The following HS3ST3B1 variants were observed in gnomAD, a reference collection of about 807,000 sequenced individuals.
HS3ST3B1 encodes heparan sulfate glucosamine 3-O-sulfotransferase 3B1.
Under a neutral mutation model 21.3 loss-of-function variants are expected in HS3ST3B1, and 13 were observed. The observed-to-expected ratio is 0.61, with a 90% CI of 0.40 to 0.97. The LOEUF is 0.97. Ranked by LOEUF, HS3ST3B1 falls within the 50% of genes least tolerant of loss-of-function variation. The pLI, the probability that HS3ST3B1 is intolerant of heterozygous loss-of-function variation, is 0.00. For synonymous variants in HS3ST3B1, 234 were observed against 254.8 expected, an observed-to-expected ratio of 0.92 and a Z score of 0.78; for missense variants, 459 against 554.8, an observed-to-expected ratio of 0.83 and a Z score of 1.73.
At position 14,301,765 on chromosome 17, in the gene HS3ST3B1, G is replaced by A. The variant is rs62636623; in HGVS notation, c.247G>A (p.Gly83Arg). The A allele has an allele frequency of 6.3e-7, 1 of 1,577,040 alleles. No individual in the cohort carries two copies. The highest frequency in any genetic ancestry group is 2.3e-5 in the East Asian group (1 of 43,518). ...GCCAGCCCTGGCCACAGCTCCGGACGGGACGCCCCCCAGGCTGCCGTTCCG... is the reference window on the plus strand; with the variant it reads ...GCCAGCCCTGGCCACAGCTCCGGACAGGACGCCCCCCAGGCTGCCGTTCCG... ...DPPALATAPD[G>R]TPPRLPFRAP... The change falls in exon 1 of 2, where the codon GGG becomes AGG. Residue 83 changes from glycine to arginine, a missense_variant. By Grantham distance (125) the Gly-to-Arg change is moderately radical. Around this residue, in one of 3 missense-constraint regions of HS3ST3B1, gnomAD observed 317 missense variants for 278.6 expected, o/e 1.14. Coordinates refer to ENST00000360954, the MANE Select transcript of HS3ST3B1 (RefSeq NM_006041.3).
intron 1 of HS3ST3B1, among the ~76,000 whole-genome samples, chr17:14,311,193 C>T (rs1468832118): frequency 6.7e-6 from 1 of 150,202 alleles, no homozygotes; most frequent in Non-Finnish European, 1.5e-5. Flanking sequence ...CTCAGTCTCC[C>T]GTGTAGCAGG....
intron 1 of HS3ST3B1, chr17:14,329,353 GAAAGAAAGAAAGAA>G (rs1909916380): frequency 7.9e-5 from 8 of 100,734 alleles, no homozygotes; most frequent in East Asian, 2.9e-4. Flanking sequence ...AAGAAAGAAA[GAAAGAAAGAAAGAA>G]AAGGAAGGAA....
At position 14,301,350 on chromosome 17, in the gene HS3ST3B1, C is replaced by A. The variant is rs1360614453; in HGVS notation, c.-169C>A. On this transcript the variant is annotated 5_prime_UTR_variant, in exon 1 of 2. Transcript: ENST00000360954. Reference sequence around the variant, plus strand: ...GAGCCGCCGCCGCTACAGCTGCCGCCGCCACCTGGGGAAGAGCAGCAGCAG... The same window carrying A: ...GAGCCGCCGCCGCTACAGCTGCCGCAGCCACCTGGGGAAGAGCAGCAGCAG... 8 of 541,548 alleles carry A rather than the reference C, an allele frequency of 1.5e-5. No homozygotes were observed. Among genetic ancestry groups the A allele is most frequent in the South Asian group, 3.8e-5 (1 of 26,474 alleles). 33.5% of individuals were successfully genotyped at this position (541,548 alleles called of 1,614,324 possible). A position where few individuals can be genotyped will look rare whatever the true frequency, so the allele number is the denominator to read the frequency against.
At chr17:14,309,529 C>G (rs924294752) in intron 1 of HS3ST3B1, among the ~76,000 whole-genome samples, 7 of 152,128 alleles carry the variant, frequency 4.6e-5, no homozygotes, top group Non-Finnish European at 1.0e-4. Context: ...GAGGAGAACC[C>G]CGCCCAGAGA....
chr17:14,309,034 T>C (rs1909217124), intron 1 of HS3ST3B1, among the ~76,000 whole-genome samples: 1 of 152,194 alleles, frequency 6.6e-6, no homozygotes, highest in South Asian at 2.1e-4. Context: ...GCCGCCCCCC[T>C]TTTTCAGGTC....
intron 1 of HS3ST3B1, among the ~76,000 whole-genome samples, chr17:14,330,555 G>A (rs1302951251): frequency 1.5e-5 from 2 of 137,336 alleles, no homozygotes; most frequent in East Asian, 4.1e-4. Flanking sequence ...TTCCCGGTGT[G>A]TGTGTGTGTG....
chr17:14,306,232 AC>A, intron 1 of HS3ST3B1, among the ~76,000 whole-genome samples: 1 of 152,178 alleles, frequency 6.6e-6, no homozygotes, highest in Admixed American at 6.5e-5. Context: ...GAGGATAATC[AC>A]ACCACCGTGT....
In HS3ST3B1 at chr17:14,345,349, G is replaced by T; in HGVS notation, c.876G>T (p.Met292Ile). Residue 292 changes from methionine to isoleucine, a missense_variant, in exon 2 of 2, where the codon ATG becomes ATT. This residue lies in a region of HS3ST3B1 where 127 missense variants were observed against 209.9 expected (regional missense o/e 0.60). Coordinates refer to ENST00000360954, the MANE Select transcript of HS3ST3B1 (RefSeq NM_006041.3). ...HWLRHFPIRQMLFVSGERLIS... is the reference protein window; with the variant it reads ...HWLRHFPIRQILFVSGERLIS... ...TGCGCCACTTCCCCATCCGCCAGAT[G>T]CTCTTCGTGAGCGGCGAGCGGCTCA... 3 of 1,094,178 alleles carry T rather than the reference G, an allele frequency of 2.7e-6. No homozygotes were observed. Among genetic ancestry groups the T allele is most frequent in the Non-Finnish European group, 1.3e-6 (1 of 757,052 alleles). The allele number at this position is 1,094,178 out of a possible 1,614,324, so 67.8% of individuals were successfully genotyped here.
Position 14,345,903 on chromosome 17 carries a change from A to G in HS3ST3B1, c.*257A>G, listed in dbSNP as rs1484543498. On this transcript the variant is annotated 3_prime_UTR_variant, in exon 2 of 2. Coordinates refer to ENST00000360954, the MANE Select transcript of HS3ST3B1 (RefSeq NM_006041.3). ...TTTTTTCTTCTCCCCTACCTGTTATATTTAAAACAAAGAAAAGCACAACTT... is the reference window on the plus strand; with the variant it reads ...TTTTTTCTTCTCCCCTACCTGTTATGTTTAAAACAAAGAAAAGCACAACTT... 1 of 434,960 alleles carries G rather than the reference A, an allele frequency of 2.3e-6. No individual in the cohort carries two copies. Among genetic ancestry groups the G allele is most frequent in the Non-Finnish European group, 3.9e-6 (1 of 254,292 alleles). The allele number at this position is 434,960 out of a possible 1,614,324, so 26.9% of individuals were successfully genotyped here.
At chr17:14,335,155 C>G (rs888935881) in intron 1 of HS3ST3B1, among the ~76,000 whole-genome samples, 2 of 152,128 alleles carry the variant, frequency 1.3e-5, no homozygotes, top group Non-Finnish European at 2.9e-5. Flanking sequence ...CACTGCTGAA[C>G]TAATTTTATA....
chr17:14,339,439 T>C (rs1277180031), intron 1 of HS3ST3B1, among the ~76,000 whole-genome samples: 1 of 152,152 alleles, frequency 6.6e-6, no homozygotes, highest in African/African-American at 2.4e-5. Flanking sequence ...CTCTACATGT[T>C]CTAAATCATA....
Position 14,301,474 on chromosome 17 carries a change from C to G in HS3ST3B1, c.-45C>G. 3.5e-6 allele frequency: 5 copies of G among 1,408,984 alleles called. No individual in the cohort carries two copies. Among genetic ancestry groups the G allele is most frequent in the Non-Finnish European group, 4.6e-6 (5 of 1,085,072 alleles). The allele number at this position is 1,408,984 out of a possible 1,614,324, so 87.3% of individuals were successfully genotyped here. On this transcript the variant is annotated 5_prime_UTR_variant, in exon 1 of 2. Coordinates refer to ENST00000360954, the MANE Select transcript of HS3ST3B1 (RefSeq NM_006041.3). Reference sequence around the variant, plus strand: ...TGCGCTCACTGCCCGGCGGGACCCACGCCATGTGCTGAGCCATGTCCCTGG... The same window carrying G: ...TGCGCTCACTGCCCGGCGGGACCCAGGCCATGTGCTGAGCCATGTCCCTGG...
intron 1 of HS3ST3B1, among the ~76,000 whole-genome samples, chr17:14,322,184 A>G (rs1319746248): frequency 2.0e-5 from 3 of 151,934 alleles, no homozygotes; most frequent in Non-Finnish European, 4.4e-5. Context: ...GAGCATTTTG[A>G]TCTAGGAGGT....
intron 1 of HS3ST3B1, among the ~76,000 whole-genome samples, chr17:14,333,293 C>T (rs796979203): frequency 8.6e-5 from 13 of 152,014 alleles, no homozygotes; most frequent in African/African-American, 2.9e-4. Context: ...TGGTGAAACC[C>T]CGTCTCCACT....
chr17:14,301,239 G>T lies in HS3ST3B1; in HGVS notation c.-280G>T. On this transcript the variant is annotated 5_prime_UTR_variant, in exon 1 of 2. Transcript: ENST00000360954. ...TCCTCCTGGCCCCGAGCGCGTCGTC[G>T]CGCCCCGGGAGCAGACCCTCGCCCA... 1 of 462,050 alleles carries T rather than the reference G, an allele frequency of 2.2e-6. No individual in the cohort carries two copies. The highest frequency in any genetic ancestry group is 2.1e-5 in the African/African-American group (1 of 48,444). 28.6% of individuals were successfully genotyped at this position (462,050 alleles called of 1,614,324 possible). A position where few individuals can be genotyped will look rare whatever the true frequency, so the allele number is the denominator to read the frequency against.
intron 1 of HS3ST3B1, among the ~76,000 whole-genome samples, chr17:14,323,577 C>CTTT (rs111916469): frequency 6.8e-5 from 10 of 147,952 alleles, no homozygotes; most frequent in African/African-American, 2.5e-4. Context: ...GTTTTATGTG[C>CTTT]TTTTTTTTTT....
At chr17:14,334,725 T>A (rs1910138420) in intron 1 of HS3ST3B1, among the ~76,000 whole-genome samples, 1 of 152,152 alleles carries the variant, frequency 6.6e-6, no homozygotes, top group Non-Finnish European at 1.5e-5. Context: ...CTACATGATA[T>A]TTTCCTACAG....
intron 1 of HS3ST3B1, among the ~76,000 whole-genome samples, chr17:14,308,113 G>A (rs1400910652): frequency 6.6e-6 from 1 of 152,124 alleles, no homozygotes. Flanking sequence ...TGGAACTCTC[G>A]GGTTTCTCTC....
rs1909021708 is a variant in HS3ST3B1, at chr17:14,303,660, G to C, written c.554+1588G>C. Among the ~76,000 whole-genome samples, 1 of 152,146 alleles carries C rather than the reference G, an allele frequency of 6.6e-6. No individual in the cohort carries two copies. Among genetic ancestry groups the C allele is most frequent in the Non-Finnish European group, 1.5e-5 (1 of 68,032 alleles). ...CAGGGATGGGAAGAGTGAATGCGCT[G>C]GTACGGTAAGGTGCCTCGCAGGCAC... is the stretch of plus-strand genomic sequence containing the variant. On this transcript the variant is annotated intron_variant, in intron 1 of 1. Coordinates refer to ENST00000360954, the MANE Select transcript of HS3ST3B1 (RefSeq NM_006041.3). The surrounding 1 kb of genome is among the most constrained non-coding windows in gnomAD (Gnocchi z 5.7).
Sources: gnomAD v4.1 joint callset for allele counts (sites outside exome capture counted in the v4.1 genomes callset) on GRCh38, gnomAD v4.1.1 for gene constraint, gnomAD v4.1.1 regional missense constraint, Gnocchi (gnomAD v3.1) non-coding constraint, MANE v1.5 for transcripts, NCBI Gene and HGNC (gene_info 2026-07-23, HGNC 2026-07-21) for gene names.